Variants in PRKN observed in about 807,000 individuals in gnomAD.
The protein encoded by PRKN is E3 ubiquitin-protein ligase parkin.
PRKN carries 56 observed loss-of-function variants against 59.5 expected under a neutral mutation model. The observed-to-expected ratio is 0.94, with a 90% CI of 0.76 to 1.18. The LOEUF (loss-of-function observed/expected upper bound fraction) is 1.18, where lower values mean the gene tolerates loss of function less well. PRKN is among the 50% of genes most tolerant of loss of function. PRKN has a pLI of 0.00. For synonymous variants in PRKN, 250 were observed against 222.1 expected, an observed-to-expected ratio of 1.13 and a Z score of -1.12; for missense variants, 657 against 596.4, an observed-to-expected ratio of 1.10 and a Z score of -1.06.
intron 2 of PRKN, among the ~76,000 whole-genome samples, chr6:162,266,665 C>CTGTATG: frequency 6.6e-6 from 1 of 152,126 alleles, no homozygotes; most frequent in Non-Finnish European, 1.5e-5. Context: ...TGAATTTTGG[C>CTGTATG]AAATGATTCT....
chr6:162,477,743 T>C (rs1380594195), intron 1 of PRKN, among the ~76,000 whole-genome samples: 1 of 152,166 alleles, frequency 6.6e-6, no homozygotes, highest in Non-Finnish European at 1.5e-5. Flanking sequence ...TGTTTCTAGG[T>C]CATGCTTCAT....
At chr6:161,382,127 A>T (rs988790634) in intron 10 of PRKN, among the ~76,000 whole-genome samples, 4 of 150,288 alleles carry the variant, frequency 2.7e-5, no homozygotes, top group African/African-American at 9.7e-5. Flanking sequence ...AAAAAAAAAA[A>T]AAAAAATCAA....
chr6:162,617,564 C>A (rs1782481167), intron 1 of PRKN, among the ~76,000 whole-genome samples: 1 of 119,550 alleles, frequency 8.4e-6, no homozygotes, highest in Admixed American at 9.0e-5. Flanking sequence ...ATCAGCATCC[C>A]ATGCAATTAT....
Position 161,475,601 on chromosome 6 carries a change from C to G in PRKN, c.1083+73253G>C, listed in dbSNP as rs1290121029. ...TGCCGCAGTCTTGACCTCCTGGGCT[C>G]AAGTGATCCTCCCACCTCAGCCTTT... On this transcript the variant is annotated intron_variant, in intron 9 of 11. Coordinates refer to ENST00000366898, the MANE Select transcript of PRKN (RefSeq NM_004562.3). The surrounding 1 kb of genome is among the most constrained non-coding windows in gnomAD (Gnocchi z 5.3). Among the ~76,000 whole-genome samples the G allele has an allele frequency of 6.6e-6, 1 of 152,120 alleles. No individual in the cohort carries two copies. Among genetic ancestry groups the G allele is most frequent in the Non-Finnish European group, 1.5e-5 (1 of 68,028 alleles).
intron 3 of PRKN, among the ~76,000 whole-genome samples, chr6:162,216,148 T>C (rs976017369): frequency 6.6e-6 from 1 of 152,128 alleles, no homozygotes; most frequent in African/African-American, 2.4e-5. Context: ...GGAAACACTA[T>C]CATTGTCTGA....
In PRKN at chr6:161,371,750, T is replaced by C. The variant is rs1248359070; in HGVS notation, c.1168-11545A>G. Among the ~76,000 whole-genome samples, 1 of 152,204 alleles carries C rather than the reference T, an allele frequency of 6.6e-6. No homozygotes were observed. The highest frequency in any genetic ancestry group is 2.4e-5 in the African/African-American group (1 of 41,446). ...ACCTCCTGGGTTCAAGCGATTCTCA[T>C]GCCTCAGCCTCCTGAGTAGCTGGGA... On this transcript the variant is annotated intron_variant, in intron 10 of 11. Transcript: ENST00000366898. This position sits in a 1 kb window ranked among gnomAD's most constrained non-coding sequence, Gnocchi z 5.5.
chr6:161,365,448 A>G (rs751368528), intron 10 of PRKN, among the ~76,000 whole-genome samples: 11 of 152,286 alleles, frequency 7.2e-5, no homozygotes, highest in Middle Eastern at 3.4e-3. Context: ...TGTTTATTCT[A>G]ACAAAGGATG....
At position 161,444,577 on chromosome 6, in the gene PRKN, T is replaced by C. The variant is rs1211757684; in HGVS notation, c.1084-57700A>G. Among the ~76,000 whole-genome samples the C allele has an allele frequency of 6.6e-6, 1 of 152,192 alleles. No individual in the cohort carries two copies. The highest frequency in any genetic ancestry group is 1.9e-4 in the East Asian group (1 of 5,202). ...GCAGAGCAGGCATTCAGTCAGCAAA[T>C]ATTAATTGACGTGGTGAGGTTGTGC... is the stretch of plus-strand genomic sequence containing the variant. On this transcript the variant is annotated intron_variant, in intron 9 of 11. Transcript: ENST00000366898. This position sits in a 1 kb window ranked among gnomAD's most constrained non-coding sequence, Gnocchi z 5.6.
intron 7 of PRKN, among the ~76,000 whole-genome samples, chr6:161,760,760 T>G (rs891144346): frequency 3.9e-5 from 6 of 152,166 alleles, no homozygotes; most frequent in Non-Finnish European, 8.8e-5. Flanking sequence ...TCCGCATAAT[T>G]AAAGCTCAAT....
rs150132495 is a variant in PRKN at position 161,757,452 on chromosome 6, C to T, written c.871+28320G>A. ...ACTCCAGCCTGAACGACAGAGACTC[C>T]GTGTCACCATAAAAATAATAATAAA... On this transcript the variant is annotated intron_variant, in intron 7 of 11. Coordinates refer to ENST00000366898, the MANE Select transcript of PRKN (RefSeq NM_004562.3). Among the ~76,000 whole-genome samples the T allele has an allele frequency of 7.1e-3, 1,072 of 151,828 alleles. 10 individuals carry two copies. The highest frequency in any genetic ancestry group is 0.025 in the African/African-American group (1,019 of 41,368).
At chr6:161,965,653 G>A (rs1166536222) in intron 6 of PRKN, among the ~76,000 whole-genome samples, 2 of 152,038 alleles carry the variant, frequency 1.3e-5, no homozygotes, top group East Asian at 3.8e-4. Context: ...TTTTATACAT[G>A]TTAAGGAGGC....
chr6:161,786,376 G>A (rs75915296), intron 6 of PRKN, among the ~76,000 whole-genome samples: 1,547 of 152,106 alleles, frequency 0.01, 21 homozygotes, highest in African/African-American at 0.036. Flanking sequence ...GCATTGTAAA[G>A]TTTTAAATGA....
intron 1 of PRKN, among the ~76,000 whole-genome samples, chr6:162,588,351 T>G (rs1413731951): frequency 1.3e-5 from 2 of 148,150 alleles, no homozygotes; most frequent in Non-Finnish European, 3.0e-5. Flanking sequence ...CAAATTTCAG[T>G]AAGAAATAGG....
At chr6:162,414,710 CAAA>C (rs1397574412) in intron 2 of PRKN, among the ~76,000 whole-genome samples, 1 of 101,970 alleles carries the variant, frequency 9.8e-6, no homozygotes, top group Non-Finnish European at 2.0e-5. Flanking sequence ...GACTCCGTCT[CAAA>C]AAAAAAAAAA....
At chr6:162,046,966 G>T (rs1006419630) in intron 5 of PRKN, among the ~76,000 whole-genome samples, 4 of 151,426 alleles carry the variant, frequency 2.6e-5, no homozygotes, top group Non-Finnish European at 5.9e-5. Context: ...GAAATAAGCT[G>T]TCCTTGAGTC....
At chr6:161,532,290 C>T (rs1033480099) in intron 9 of PRKN, among the ~76,000 whole-genome samples, 9 of 151,808 alleles carry the variant, frequency 5.9e-5, no homozygotes, top group South Asian at 2.1e-4. Context: ...AATTAAAATT[C>T]GCAAGTTTTA....
At position 161,458,550 on chromosome 6, in the gene PRKN, A is replaced by G. The variant is rs1790073158; in HGVS notation, c.1084-71673T>C. 6.6e-6 allele frequency among the ~76,000 whole-genome samples: 1 copy of G among 152,162 alleles called. No individual in the cohort carries two copies. Among genetic ancestry groups the G allele is most frequent in the Non-Finnish European group, 1.5e-5 (1 of 68,036 alleles). Reference sequence around the variant, plus strand: ...GCTCAGTAATGTGAAAACATCAATTATTTCCTTCCTACATTTAAATGAACT... The same window carrying G: ...GCTCAGTAATGTGAAAACATCAATTGTTTCCTTCCTACATTTAAATGAACT... On this transcript the variant is annotated intron_variant, in intron 9 of 11. Transcript: ENST00000366898. The surrounding 1 kb of genome is among the most constrained non-coding windows in gnomAD (Gnocchi z 6.1).
At chr6:162,445,689 TAAAAAAAA>T (rs71004091) in intron 1 of PRKN, among the ~76,000 whole-genome samples, 23 of 28,734 alleles carry the variant, frequency 8.0e-4, no homozygotes, top group African/African-American at 3.9e-3. Context: ...AGACCTTGTC[TAAAAAAAA>T]AAAAAAAAAA....
At chr6:161,749,155 G>T (rs962658019) in intron 7 of PRKN, among the ~76,000 whole-genome samples, 1 of 152,138 alleles carries the variant, frequency 6.6e-6, no homozygotes, top group African/African-American at 2.4e-5. Flanking sequence ...AACCCCCTCC[G>T]GGTCTACCCC....
Sources: allele counts gnomAD v4.1 joint callset (sites outside exome capture counted in the v4.1 genomes callset), GRCh38; gene constraint gnomAD v4.1.1; non-coding constraint Gnocchi (gnomAD v3.1); transcripts MANE v1.5; gene names NCBI Gene and HGNC (gene_info 2026-07-23, HGNC 2026-07-21).